VPS37A: variants seen among roughly 807,000 people sequenced by gnomAD.
VPS37A encodes the protein vacuolar protein sorting-associated protein 37A.
In VPS37A, 30 loss-of-function variants were observed where a neutral mutation model predicts 49.8. That is an observed-to-expected ratio of 0.60 (90% CI 0.45 to 0.82). The LOEUF (loss-of-function observed/expected upper bound fraction) is 0.82, where lower values mean the gene tolerates loss of function less well. Ranked by LOEUF, VPS37A falls within the 40% of genes least tolerant of loss-of-function variation. The probability of loss-of-function intolerance (pLI) is 0.00; values close to 1 mark genes in which losing one functional copy is unlikely to be tolerated. For missense variants in VPS37A, 593 were observed against 464.4 expected (o/e 1.28, Z -2.55); for synonymous variants, 195 against 160.6 (o/e 1.21, Z -1.62).
chr8:17,304,181 C>T (rs193276655), downstream of VPS37A, among the ~76,000 whole-genome samples: 78 of 152,156 alleles, frequency 5.1e-4, 1 homozygote, highest in Admixed American at 4.6e-3. Flanking sequence ...AAGAAAATTC[C>T]ACATTTAGGA....
intron 1 of VPS37A, among the ~76,000 whole-genome samples, chr8:17,252,894 A>G (rs1812104857): frequency 6.6e-6 from 1 of 152,230 alleles, no homozygotes; most frequent in Non-Finnish European, 1.5e-5. Context: ...GACTGTGTAA[A>G]TGCACTTTGA....
Position 17,284,640 on chromosome 8 carries a change from G to T in VPS37A, c.1113+24G>T, listed in dbSNP as rs1815415541. On this transcript the variant is annotated intron_variant, in intron 10 of 11. Transcript: ENST00000324849. ...CAGTATGTAATACTCGTCAGTTGAG[G>T]ACAAGTATTGGATAAAGTTTGGTAT... The T allele has an allele frequency of 3.8e-6, 6 of 1,565,314 alleles. No homozygotes were observed. In the African/African-American group the frequency reaches 8.4e-5, roughly 22 times the overall value.
chr8:17,274,043 A>G (rs1194077903), intron 4 of VPS37A, among the ~76,000 whole-genome samples: 1 of 152,172 alleles, frequency 6.6e-6, no homozygotes, highest in Non-Finnish European at 1.5e-5. Context: ...GAATTACTCT[A>G]ATGCTTTTTA....
intron 11 of VPS37A, among the ~76,000 whole-genome samples, chr8:17,289,150 AGGT>A (rs1225186774): frequency 5.3e-5 from 8 of 152,192 alleles, no homozygotes; most frequent in African/African-American, 1.9e-4. Flanking sequence ...CCCATTCTGT[AGGT>A]GGCCTGTTGA....
the VPS37A span, among the ~76,000 whole-genome samples, chr8:17,327,948 TCATA>T: frequency 2.0e-5 from 3 of 152,358 alleles, no homozygotes; most frequent in Admixed American, 1.3e-4. Context: ...TGTGAAAATC[TCATA>T]CAATCATTTA....
chr8:17,304,333 A>T (rs1586137276), downstream of VPS37A: 7 of 1,592,176 alleles, frequency 4.4e-6, no homozygotes, highest in East Asian at 1.4e-4. Flanking sequence ...CGGTACCAGA[A>T]TCCAAGTTCA....
chr8:17,299,913 T>C, downstream of VPS37A: 1 of 1,614,132 alleles, frequency 6.2e-7, no homozygotes. Context: ...TGCCACTATC[T>C]TCACTCGGTG....
At chr8:17,311,028 T>G in the VPS37A span, among the ~76,000 whole-genome samples, 1 of 152,110 alleles carries the variant, frequency 6.6e-6, no homozygotes, top group Non-Finnish European at 1.5e-5. Context: ...GCTGTGAAAT[T>G]TTCAGCATTC....
At chr8:17,260,972 A>G (rs184255960) in intron 1 of VPS37A, among the ~76,000 whole-genome samples, 29 of 152,180 alleles carry the variant, frequency 1.9e-4, no homozygotes, top group Non-Finnish European at 5.9e-5. Context: ...AGATTTGTTC[A>G]GTGTATCTGA....
At chr8:17,300,271 T>A, downstream of VPS37A, 1 of 1,548,634 alleles carries the variant, frequency 6.5e-7, no homozygotes. Flanking sequence ...AAATAACTTA[T>A]CTTTTTCTAT....
chr8:17,329,177 C>G, the VPS37A span, among the ~76,000 whole-genome samples: 9 of 151,968 alleles, frequency 5.9e-5, no homozygotes, highest in Admixed American at 5.3e-4. Flanking sequence ...GTAGTATGAG[C>G]CTTCATATCT....
Position 17,274,669 on chromosome 8 carries a change from A to G in VPS37A, c.417-64A>G, listed in dbSNP as rs1309097583. 5.2e-6 allele frequency: 7 copies of G among 1,349,574 alleles called. No individual in the cohort carries two copies. In the African/African-American group the frequency reaches 1.0e-4, roughly 20 times the overall value. The allele number at this position is 1,349,574 out of a possible 1,614,324, so 83.6% of individuals were successfully genotyped here. On this transcript the variant is annotated intron_variant, in intron 4 of 11. Coordinates refer to ENST00000324849, the MANE Select transcript of VPS37A (RefSeq NM_152415.3). ...TGACCTTTGTTATTTAGAACAATTT[A>G]GAAACAATTTGACATGTTTTATCCA...
Position 17,265,998 on chromosome 8 carries a change from C to A in VPS37A, c.200+17C>A. On this transcript the variant is annotated intron_variant, in intron 2 of 11. Transcript: ENST00000324849. Reference sequence around the variant, plus strand: ...CATTAATATGTGAGTAGAATTGTATCCTACTTTTTCATGTAAAAGGACTTA... The same window carrying A: ...CATTAATATGTGAGTAGAATTGTATACTACTTTTTCATGTAAAAGGACTTA... 1.3e-6 allele frequency: 2 copies of A among 1,591,134 alleles called. No homozygotes were observed. Among genetic ancestry groups the A allele is most frequent in the Non-Finnish European group, 1.7e-6 (2 of 1,167,676 alleles).
chr8:17,269,607 T>A (rs904252068), intron 4 of VPS37A, among the ~76,000 whole-genome samples: 1 of 152,210 alleles, frequency 6.6e-6, no homozygotes, highest in African/African-American at 2.4e-5. Context: ...TTCCTTCACA[T>A]TCAGTGCTCC....
chr8:17,304,142 A>G (rs1439545222), downstream of VPS37A, among the ~76,000 whole-genome samples: 1 of 152,194 alleles, frequency 6.6e-6, no homozygotes, highest in Non-Finnish European at 1.5e-5. Flanking sequence ...CCTTTTTATG[A>G]TATCATTATT....
chr8:17,309,475 A>ATAT, the VPS37A span: 1 of 655,806 alleles, frequency 1.5e-6, no homozygotes, highest in East Asian at 2.7e-5. Context: ...TTATCCACCC[A>ATAT]TATAGAGATG....
chr8:17,314,389 T>G, the VPS37A span, among the ~76,000 whole-genome samples: 1 of 152,096 alleles, frequency 6.6e-6, no homozygotes, highest in Non-Finnish European at 1.5e-5. Context: ...CTTGCACATG[T>G]TATTCCAGTC....
At chr8:17,271,210 C>T (rs1027174133) in intron 4 of VPS37A, among the ~76,000 whole-genome samples, 1 of 152,164 alleles carries the variant, frequency 6.6e-6, no homozygotes, top group Non-Finnish European at 1.5e-5. Flanking sequence ...ATAGTTTTTT[C>T]AGCCTGCTTC....
chr8:17,262,362 G>A (rs1281708569), intron 1 of VPS37A, among the ~76,000 whole-genome samples: 1 of 152,082 alleles, frequency 6.6e-6, no homozygotes, highest in African/African-American at 2.4e-5. Flanking sequence ...CCATTTGGGG[G>A]ACTATCAAAG....
Sources: allele counts gnomAD v4.1 joint callset (sites outside exome capture counted in the v4.1 genomes callset), GRCh38; gene constraint gnomAD v4.1.1; transcripts MANE v1.5; gene names NCBI Gene and HGNC (gene_info 2026-07-23, HGNC 2026-07-21).